The following TREM1 variants were observed in gnomAD, a reference collection of about 807,000 sequenced individuals.
TREM1 encodes the protein triggering receptor expressed on myeloid cells 1, also known as triggering receptor expressed on monocytes 1.
In TREM1, 16 loss-of-function variants were observed where a neutral mutation model predicts 22.4. That is an observed-to-expected ratio of 0.71 (90% CI 0.48 to 1.08). The LOEUF (loss-of-function observed/expected upper bound fraction) is 1.08. TREM1 is among the 50% of genes least tolerant of loss of function. The pLI, the probability that TREM1 is intolerant of heterozygous loss-of-function variation, is 0.00. For synonymous variants in TREM1, 110 were observed against 111.6 expected (o/e 0.99, Z 0.09); for missense variants, 283 against 282.9 (o/e 1.00, Z 0.00).
chr6:41,271,401 C>G (rs1024012368), downstream of TREM1, among the ~76,000 whole-genome samples: 1 of 152,128 alleles, frequency 6.6e-6, no homozygotes, highest in Non-Finnish European at 1.5e-5. Context: ...GTGGCTGAGA[C>G]AGGATTTGCC....
chr6:41,278,592 G>A (rs2113981717), intron 3 of TREM1, among the ~76,000 whole-genome samples: 1 of 151,968 alleles, frequency 6.6e-6, no homozygotes, highest in African/African-American at 2.4e-5. Flanking sequence ...AGGAGGTTGA[G>A]GCTACAGTGA....
intron 2 of TREM1, 65 bp downstream of exon 2, chr6:41,282,324 CTGCTGA>C: frequency 8.0e-7 from 1 of 1,245,482 alleles, no homozygotes; most frequent in Non-Finnish European, 1.1e-6. Flanking sequence ...AACCCCAGCT[CTGCTGA>C]TGCTACCACC....
chr6:41,267,928 C>A (rs1767373255), exon 4 of TREM1: 3 of 398,622 alleles, frequency 7.5e-6, no homozygotes, highest in Non-Finnish European at 1.3e-5. Flanking sequence ...GTTGACCTTG[C>A]CATCTTTCAG....
At chr6:41,279,598 T>C in intron 3 of TREM1, 1 of 985,304 alleles carries the variant, frequency 1.0e-6, no homozygotes, top group South Asian at 4.7e-5. Context: ...CCAAACAACA[T>C]AATGGGGAAA....
At chr6:41,282,343 T>C (rs1767953920) in intron 2 of TREM1, 52 bp downstream of exon 2, 2 of 1,413,484 alleles carry the variant, frequency 1.4e-6, no homozygotes, top group Admixed American at 1.8e-5. Flanking sequence ...CTACCACCAC[T>C]GCCCCTTTCC....
At chr6:41,279,494 A>G in intron 3 of TREM1, 1 of 973,878 alleles carries the variant, frequency 1.0e-6, no homozygotes. Flanking sequence ...TAACTTATGT[A>G]TTGCAAAATG....
At chr6:41,282,236 G>A in intron 2 of TREM1, 159 bp downstream of exon 2, 1 of 624,256 alleles carries the variant, frequency 1.6e-6, no homozygotes. Flanking sequence ...TCTCATGCAT[G>A]GAAGGTTCTA....
Position 41,286,664 on chromosome 6 carries a change from T to C in TREM1, c.-9A>G. The C allele has an allele frequency of 6.2e-7, 1 of 1,614,060 alleles. No homozygotes were observed. Among genetic ancestry groups the C allele is most frequent in the Non-Finnish European group, 8.5e-7 (1 of 1,179,958 alleles). ...AGCCTGGTCTTCCTCATCCTTCCTG[T>C]GCACCAGCTCCAACTGCTGCTGAGG... On this transcript the variant is annotated 5_prime_UTR_variant, in exon 1 of 4. Transcript: ENST00000244709.
intron 3 of TREM1, among the ~76,000 whole-genome samples, chr6:41,277,907 C>CTTTTTTTTTT (rs11341322): frequency 1.8e-5 from 2 of 111,316 alleles, no homozygotes; most frequent in Admixed American, 9.5e-5. Context: ...TTCTTTTTGT[C>CTTTTTTTTTT]TTTTTTTTTT....
chr6:41,280,656 G>A, intron 3 of TREM1: 2 of 1,395,610 alleles, frequency 1.4e-6, no homozygotes, highest in Non-Finnish European at 1.9e-6. Flanking sequence ...CTGCCCATCA[G>A]GCCCCTGGGG....
chr6:41,269,516 C>T (rs977550370), downstream of TREM1, among the ~76,000 whole-genome samples: 3 of 152,148 alleles, frequency 2.0e-5, no homozygotes, highest in South Asian at 4.1e-4. Flanking sequence ...GACAGCAGCA[C>T]TTATTTCAGA....
intron 2 of TREM1, 185 bp from the exon 3 acceptor site, chr6:41,281,338 A>T: frequency 1.5e-6 from 1 of 684,096 alleles, no homozygotes; most frequent in South Asian, 2.1e-5. Context: ...TCCTTTGCTA[A>T]AGCCAAAGAA....
downstream of TREM1, among the ~76,000 whole-genome samples, chr6:41,271,896 C>T (rs955877984): frequency 3.3e-5 from 5 of 152,186 alleles, no homozygotes; most frequent in Non-Finnish European, 5.9e-5. Flanking sequence ...GTCCCCTCTT[C>T]CCCAGCCTGC....
intron 1 of TREM1, among the ~76,000 whole-genome samples, chr6:41,283,427 G>T (rs564922264): frequency 6.6e-6 from 1 of 152,158 alleles, no homozygotes; most frequent in Non-Finnish European, 1.5e-5. Context: ...ACCCCATCTC[G>T]GGGCCAGGCA....
exon 4 of TREM1, chr6:41,268,007 C>T (rs560531729): frequency 4.5e-5 from 18 of 398,636 alleles, no homozygotes; most frequent in Non-Finnish European, 6.6e-5. Context: ...ACTGACTTAT[C>T]CGAAAGTGCC....
At chr6:41,268,613 C>T (rs77665544), downstream of TREM1, among the ~76,000 whole-genome samples, 355 of 152,254 alleles carry the variant, frequency 2.3e-3, 1 homozygote, top group African/African-American at 8.2e-3. Context: ...AGAGGGGAAG[C>T]CCCACTGCCA....
At chr6:41,278,724 T>C (rs1767774185) in intron 3 of TREM1, among the ~76,000 whole-genome samples, 1 of 152,118 alleles carries the variant, frequency 6.6e-6, no homozygotes, top group Non-Finnish European at 1.5e-5. Flanking sequence ...GATTCCACTT[T>C]CCAGACTGGA....
intron 1 of TREM1, 95 bp from the exon 2 acceptor site, chr6:41,282,846 A>G (rs375560862): frequency 2.6e-6 from 3 of 1,157,668 alleles, no homozygotes. Flanking sequence ...TTCTTGTCCA[A>G]CCACCCATAT....
At chr6:41,270,882 C>T (rs368758502), downstream of TREM1, among the ~76,000 whole-genome samples, 451 of 152,184 alleles carry the variant, frequency 3.0e-3, 20 homozygotes, top group South Asian at 0.077. Context: ...ACTTTTTGTT[C>T]TTTCTAGAAA....
Sources: allele counts gnomAD v4.1 joint callset (sites outside exome capture counted in the v4.1 genomes callset), GRCh38; gene constraint gnomAD v4.1.1; transcripts MANE v1.5; gene names NCBI Gene and HGNC (gene_info 2026-07-23, HGNC 2026-07-21).